Variants in CNTN5 observed in about 807,000 individuals in gnomAD.
The protein encoded by CNTN5 is contactin-5.
Under a neutral mutation model 129.1 loss-of-function variants are expected in CNTN5, and 77 were observed. That is an observed-to-expected ratio of 0.60 (90% CI 0.50 to 0.72). The LOEUF is 0.72. Among genes scored for constraint, CNTN5 ranks in the 30% least tolerant of loss-of-function variants. The probability of loss-of-function intolerance (pLI) is 0.00; values close to 1 mark genes in which losing one functional copy is unlikely to be tolerated. For synonymous variants in CNTN5, 509 were observed against 465.6 expected, an observed-to-expected ratio of 1.09 and a Z score of -1.20; for missense variants, 1,478 against 1,328.8, an observed-to-expected ratio of 1.11 and a Z score of -1.75.
At chr11:99,176,657 A>G (rs1429162830) in intron 1 of CNTN5, among the ~76,000 whole-genome samples, 2 of 152,174 alleles carry the variant, frequency 1.3e-5, no homozygotes, top group African/African-American at 4.8e-5. Flanking sequence ...GCAAATTGTT[A>G]TGATTCTACA....
intron 16 of CNTN5, among the ~76,000 whole-genome samples, chr11:100,242,562 A>C (rs745414820): frequency 2.6e-5 from 4 of 152,144 alleles, no homozygotes; most frequent in Non-Finnish European, 5.9e-5. Context: ...CACATCTTAC[A>C]TGGCCAGAGC....
chr11:99,146,285 T>C (rs571853669), intron 1 of CNTN5, among the ~76,000 whole-genome samples: 2 of 152,220 alleles, frequency 1.3e-5, no homozygotes, highest in East Asian at 3.9e-4. Flanking sequence ...AGGAAATATA[T>C]AGGTATATAA....
intron 16 of CNTN5, 185 bp downstream of exon 16, chr11:100,224,997 A>C (rs1411669803): frequency 2.2e-6 from 1 of 457,278 alleles, no homozygotes; most frequent in Non-Finnish European, 3.8e-6. Flanking sequence ...CCTTAGTAAC[A>C]GATGAAAACC....
At chr11:99,450,091 G>A (rs1008235015) in intron 2 of CNTN5, among the ~76,000 whole-genome samples, 2 of 151,908 alleles carry the variant, frequency 1.3e-5, no homozygotes, top group African/African-American at 4.8e-5. Context: ...CAGTTACAAA[G>A]GCTAAAACAC....
intron 3 of CNTN5, among the ~76,000 whole-genome samples, chr11:99,696,425 C>T (rs1954272380): frequency 6.6e-6 from 1 of 151,990 alleles, no homozygotes; most frequent in African/African-American, 2.4e-5. Context: ...CTCAGCAAGA[C>T]AAATTAGCCA....
At chr11:99,766,899 T>C (rs781272782) in intron 3 of CNTN5, among the ~76,000 whole-genome samples, 12 of 152,090 alleles carry the variant, frequency 7.9e-5, no homozygotes, top group Non-Finnish European at 1.2e-4. Context: ...TACAACGATA[T>C]CAGCTTTAAA....
chr11:100,347,897 A>C (rs572034933), intron 23 of CNTN5, among the ~76,000 whole-genome samples: 1 of 151,938 alleles, frequency 6.6e-6, no homozygotes, highest in Non-Finnish European at 1.5e-5. Flanking sequence ...ACCAGCAAAA[A>C]TTTATTCTGT....
At chr11:99,443,515 C>T (rs908755958) in intron 2 of CNTN5, among the ~76,000 whole-genome samples, 7 of 152,222 alleles carry the variant, frequency 4.6e-5, no homozygotes, top group Middle Eastern at 3.4e-3. Context: ...CAAACCAGAA[C>T]GCCATGAAAA....
chr11:99,619,397 T>C (rs1184928316), intron 3 of CNTN5, among the ~76,000 whole-genome samples: 1 of 152,100 alleles, frequency 6.6e-6, no homozygotes, highest in East Asian at 1.9e-4. Context: ...TCGTTATGTT[T>C]CTATTGTGGT....
At chr11:99,349,582 T>C (rs941029686) in intron 2 of CNTN5, among the ~76,000 whole-genome samples, 1 of 152,188 alleles carries the variant, frequency 6.6e-6, no homozygotes, top group Non-Finnish European at 1.5e-5. Flanking sequence ...TACACCATGG[T>C]GTAATGGATC....
intron 3 of CNTN5, among the ~76,000 whole-genome samples, chr11:99,819,101 A>G (rs1591248303): frequency 1.3e-5 from 2 of 151,830 alleles, no homozygotes; most frequent in East Asian, 3.9e-4. Flanking sequence ...TTTTAATAAT[A>G]AGGAAAGAAC....
chr11:100,131,530 G>A (rs1354377902), intron 13 of CNTN5, among the ~76,000 whole-genome samples: 1 of 152,022 alleles, frequency 6.6e-6, no homozygotes, highest in Non-Finnish European at 1.5e-5. Flanking sequence ...GACACAAAAA[G>A]CCTGGACTTG....
chr11:99,680,700 A>G (rs935363587), intron 3 of CNTN5, among the ~76,000 whole-genome samples: 1 of 151,050 alleles, frequency 6.6e-6, no homozygotes, highest in Non-Finnish European at 1.5e-5. Context: ...TAGAGTGGTG[A>G]ATCCTTATCA....
At chr11:100,157,282 A>AGAAAT (rs1301260188) in intron 13 of CNTN5, among the ~76,000 whole-genome samples, 5 of 151,972 alleles carry the variant, frequency 3.3e-5, no homozygotes, top group African/African-American at 1.2e-4. Context: ...ATTACGTTTT[A>AGAAAT]GAAATAAGAT....
chr11:100,250,228 C>A (rs1456821211), intron 16 of CNTN5, among the ~76,000 whole-genome samples: 1 of 151,778 alleles, frequency 6.6e-6, no homozygotes, highest in Non-Finnish European at 1.5e-5. Context: ...CCCTGTTAAC[C>A]CAAATATAGT....
chr11:100,177,984 G>A (rs890132980), intron 13 of CNTN5, among the ~76,000 whole-genome samples: 1 of 152,056 alleles, frequency 6.6e-6, no homozygotes, highest in Non-Finnish European at 1.5e-5. Flanking sequence ...TTTCAAAGGA[G>A]CGAACTCAAT....
intron 1 of CNTN5, among the ~76,000 whole-genome samples, chr11:99,082,289 T>C (rs1442010697): frequency 6.6e-6 from 1 of 151,552 alleles, no homozygotes; most frequent in Non-Finnish European, 1.5e-5. Context: ...GGGTTCAAGC[T>C]ATTCTCCTGC....
chr11:99,498,689 C>T (rs942483341), intron 2 of CNTN5, among the ~76,000 whole-genome samples: 2 of 152,090 alleles, frequency 1.3e-5, no homozygotes, highest in Admixed American at 1.3e-4. Flanking sequence ...CCTGTGTCAC[C>T]AGTGAGGGGT....
chr11:99,194,679 C>T (rs56287551), intron 1 of CNTN5, among the ~76,000 whole-genome samples: 32,133 of 152,008 alleles, frequency 0.21, 3,489 homozygotes, highest in Middle Eastern at 0.26. Flanking sequence ...GATCTCGGCT[C>T]ACTGCAACCT....
Sources: gnomAD v4.1 joint callset for allele counts (sites outside exome capture counted in the v4.1 genomes callset) on GRCh38, gnomAD v4.1.1 for gene constraint, MANE v1.5 for transcripts, NCBI Gene and HGNC (gene_info 2026-07-23, HGNC 2026-07-21) for gene names.